Variants in ARHGAP44 observed in about 807,000 individuals in gnomAD.
The protein encoded by ARHGAP44 is rho GTPase-activating protein 44.
In ARHGAP44, 43 loss-of-function variants were observed where a neutral mutation model predicts 106.8. That is an observed-to-expected ratio of 0.40 (90% confidence interval 0.32 to 0.52). ARHGAP44 has a LOEUF of 0.52. Ranked by LOEUF, ARHGAP44 falls within the 20% of genes least tolerant of loss-of-function variation. The probability of loss-of-function intolerance (pLI) is 0.48; values close to 1 mark genes in which losing one functional copy is unlikely to be tolerated. For missense variants in ARHGAP44, 866 were observed against 1,050.5 expected (o/e 0.82, Z 2.43); for synonymous variants, 439 against 410.3 (o/e 1.07, Z -0.85).
At chr17:12,876,981 G>T (rs572183545) in intron 1 of ARHGAP44, among the ~76,000 whole-genome samples, 1 of 152,072 alleles carries the variant, frequency 6.6e-6, no homozygotes, top group African/African-American at 2.4e-5. Flanking sequence ...GCCTAGCTCG[G>T]GACTATGCAA....
chr17:12,892,179 A>G (rs1255010001), intron 1 of ARHGAP44, among the ~76,000 whole-genome samples: 3 of 152,080 alleles, frequency 2.0e-5, no homozygotes, highest in Non-Finnish European at 4.4e-5. Context: ...GATTGTCTTG[A>G]TCTCCCCTTC....
intron 9 of ARHGAP44, among the ~76,000 whole-genome samples, 178 bp from the exon 10 acceptor site, chr17:12,943,891 C>A (rs191214868): frequency 8.5e-5 from 13 of 152,190 alleles, no homozygotes; most frequent in Admixed American, 7.2e-4. Context: ...ATTGGCTGGC[C>A]ATCCCCCACC....
At chr17:12,855,040 G>C (rs990281381) in intron 1 of ARHGAP44, among the ~76,000 whole-genome samples, 4 of 151,276 alleles carry the variant, frequency 2.6e-5, no homozygotes, top group Non-Finnish European at 4.4e-5. Flanking sequence ...TATATAGAAA[G>C]GACAGGAAGG....
At position 12,898,099 on chromosome 17, in the gene ARHGAP44, A is replaced by T. The variant is rs574218383; in HGVS notation, c.198+1588A>T. Among the ~76,000 whole-genome samples, 3 of 152,278 alleles carry T rather than the reference A, an allele frequency of 2.0e-5. No individual in the cohort carries two copies. In the South Asian group the frequency reaches 6.2e-4, roughly 32 times the overall value. On this transcript the variant is annotated intron_variant, in intron 3 of 20. Coordinates refer to ENST00000379672, the MANE Select transcript of ARHGAP44 (RefSeq NM_014859.6). The stretch of plus-strand genomic sequence containing the variant: ...GACAGGCCACATCACCCAGAGGGCC[A>T]CAGGGGAAGCTCTAGGGTTGGTCAG...
intron 16 of ARHGAP44, among the ~76,000 whole-genome samples, chr17:12,968,905 G>C (rs4792306): frequency 0.37 from 55,579 of 151,486 alleles, 10,409 homozygotes; most frequent in South Asian, 0.48. Flanking sequence ...GAGTAGCTGG[G>C]ATTACGGGCA....
intron 12 of ARHGAP44, among the ~76,000 whole-genome samples, chr17:12,950,332 C>T (rs2038962443): frequency 6.6e-6 from 1 of 152,098 alleles, no homozygotes; most frequent in Admixed American, 6.5e-5. Context: ...AGGGAGGTCA[C>T]GTGTCATGAC....
chr17:12,943,229 G>GTTT (rs1341981927), intron 8 of ARHGAP44, among the ~76,000 whole-genome samples: 2 of 152,256 alleles, frequency 1.3e-5, no homozygotes, highest in Admixed American at 1.3e-4. Context: ...TTCTAAATGT[G>GTTT]TTTTCCATTT....
chr17:12,972,512 G>A (rs1439015325), intron 16 of ARHGAP44, among the ~76,000 whole-genome samples: 4 of 151,834 alleles, frequency 2.6e-5, no homozygotes, highest in African/African-American at 4.8e-5. Context: ...GCTGGGTGTG[G>A]TGGCGGGTGC....
chr17:12,802,973 T>A (rs1445396180), intron 1 of ARHGAP44, among the ~76,000 whole-genome samples: 74 of 84,958 alleles, frequency 8.7e-4, no homozygotes, highest in Non-Finnish European at 1.4e-3. Context: ...ATATATATTT[T>A]TTTTTTTTTT....
chr17:12,897,011 T>G (rs1430626433), intron 3 of ARHGAP44, among the ~76,000 whole-genome samples: 1 of 152,184 alleles, frequency 6.6e-6, no homozygotes, highest in East Asian at 1.9e-4. Flanking sequence ...AAATAAAGCT[T>G]CTCTAATGCC....
At position 12,949,550 on chromosome 17, in the gene ARHGAP44, GCC is replaced by G. The variant is rs2038943185; in HGVS notation, c.974-97_974-96del. 1.2e-5 allele frequency: 13 copies of G among 1,108,944 alleles called. No homozygotes were observed. The highest frequency in any genetic ancestry group is 1.7e-5 in the Non-Finnish European group (13 of 752,686). 68.7% of individuals were successfully genotyped at this position (1,108,944 alleles called of 1,614,324 possible). ...TTGCTGTTGACATGGTGGTCAGGAG[GCC>G]CATCCCCAGATGGAACCCACATAGG... On this transcript the variant is annotated intron_variant, in intron 11 of 20. Coordinates refer to ENST00000379672, the MANE Select transcript of ARHGAP44 (RefSeq NM_014859.6). This position sits in a 1 kb window ranked among gnomAD's most constrained non-coding sequence, Gnocchi z 4.1.
chr17:12,902,951 G>A (rs751210429), intron 3 of ARHGAP44, among the ~76,000 whole-genome samples: 27 of 152,122 alleles, frequency 1.8e-4, no homozygotes, highest in Non-Finnish European at 3.1e-4. Flanking sequence ...TGGAGTGGCT[G>A]TTGAGAACCA....
chr17:12,952,649 C>G, intron 13 of ARHGAP44, 68 bp downstream of exon 13: 1 of 1,229,280 alleles, frequency 8.1e-7, no homozygotes, highest in South Asian at 1.3e-5. Context: ...ATACAACTGC[C>G]CGGGTAAAAG....
intron 18 of ARHGAP44, among the ~76,000 whole-genome samples, chr17:12,976,748 C>G (rs1033307560): frequency 6.6e-6 from 1 of 152,082 alleles, no homozygotes; most frequent in East Asian, 1.9e-4. Context: ...GACTTCAACT[C>G]AGAGGATGCT....
rs1371576774 is a variant in ARHGAP44 at position 12,895,153 on chromosome 17, TAAAA to T, written c.93+178_93+181del. 2.6e-5 allele frequency among the ~76,000 whole-genome samples: 4 copies of T among 151,242 alleles called. No homozygotes were observed. The East Asian group carries it at 7.8e-4, about 29-fold the overall frequency. On this transcript the variant is annotated intron_variant, in intron 2 of 20. Transcript: ENST00000379672. ...TCAAAACAAACAAAAAACAAACAAATAAAAAAACAAACAACCAAAAAAACCAAAA... is the reference window on the plus strand; with the variant it reads ...TCAAAACAAACAAAAAACAAACAAATAAACAAACAACCAAAAAAACCAAAA...
intron 17 of ARHGAP44, 38 bp from the exon 18 acceptor site, chr17:12,974,051 T>TA: frequency 1.3e-6 from 2 of 1,542,206 alleles, no homozygotes; most frequent in South Asian, 1.2e-5. Context: ...TGTCATCTGT[T>TA]ACGCGTGGGT....
At chr17:12,950,105 A>G (rs758787439) in intron 12 of ARHGAP44, among the ~76,000 whole-genome samples, 32 of 152,188 alleles carry the variant, frequency 2.1e-4, no homozygotes, top group Non-Finnish European at 3.2e-4. Flanking sequence ...TTGTTATAAA[A>G]ACGAAAACAA....
chr17:12,980,114 C>G lies in ARHGAP44; in HGVS notation c.1820C>G (p.Ser607Cys). ...PGSAQKGSPGSSQGTACAGTQ... is the reference protein window; with the variant it reads ...PGSAQKGSPGCSQGTACAGTQ... Reference sequence around the variant, plus strand: ...TCTGCACAGAAAGGAAGTCCAGGCTCCAGCCAGGGCACAGCCTGTGCAGGG... The same window carrying G: ...TCTGCACAGAAAGGAAGTCCAGGCTGCAGCCAGGGCACAGCCTGTGCAGGG... Residue 607 changes from serine (S) to cysteine (C), a missense_variant, in exon 19 of 21, where the codon TCC becomes TGC. Ser to Cys is a moderately radical substitution (Grantham distance 112). Transcript: ENST00000379672. 6.2e-7 allele frequency: 1 copy of G among 1,613,914 alleles called. No individual in the cohort carries two copies. The highest frequency in any genetic ancestry group is 1.3e-5 in the African/African-American group (1 of 75,070).
chr17:12,905,597 C>T (rs79848652), intron 3 of ARHGAP44, among the ~76,000 whole-genome samples: 2 of 152,182 alleles, frequency 1.3e-5, no homozygotes, highest in African/African-American at 4.8e-5. Flanking sequence ...GCTCCACTCA[C>T]TGACAGGATA....
Sources: gnomAD v4.1 joint callset for allele counts (sites outside exome capture counted in the v4.1 genomes callset) on GRCh38, gnomAD v4.1.1 for gene constraint, Gnocchi (gnomAD v3.1) non-coding constraint, MANE v1.5 for transcripts, NCBI Gene and HGNC (gene_info 2026-07-23, HGNC 2026-07-21) for gene names.